Variants in SCUBE1 observed in about 807,000 individuals in gnomAD.
SCUBE1 encodes signal peptide, CUB domain and EGF like domain containing 1.
A neutral mutation model predicts 124.4 loss-of-function variants in SCUBE1; 59 were observed. The observed-to-expected ratio is 0.47, with a 90% CI of 0.38 to 0.59. The LOEUF is 0.59. Among genes scored for constraint, SCUBE1 ranks in the 20% least tolerant of loss-of-function variants. The pLI, the probability that SCUBE1 is intolerant of heterozygous loss-of-function variation, is 0.00. For missense variants in SCUBE1, 1,150 were observed against 1,371.2 expected, an observed-to-expected ratio of 0.84 and a Z score of 2.55; for synonymous variants, 545 against 550.9, an observed-to-expected ratio of 0.99 and a Z score of 0.15.
chr22:43,268,713 C>T lies in SCUBE1; in HGVS notation c.485-5868G>A, dbSNP rs184396982. The stretch of plus-strand genomic sequence containing the variant: ...TCCCAGAGTGTGCTAAATGTGCAGC[C>T]CCAGTCTCTGGGTGAGTGAGGTGCT... On this transcript the variant is annotated intron_variant, in intron 4 of 21. Transcript: ENST00000360835. 1.6e-3 allele frequency among the ~76,000 whole-genome samples: 247 copies of T among 152,298 alleles called. 1 individual carries two copies. The highest frequency in any genetic ancestry group is 1.6e-3 in the Non-Finnish European group (107 of 68,034).
chr22:43,305,308 GTGTT>G (rs1925927426), intron 3 of SCUBE1, among the ~76,000 whole-genome samples: 1 of 152,238 alleles, frequency 6.6e-6, no homozygotes, highest in Admixed American at 6.5e-5. Context: ...ATTTCTCTGA[GTGTT>G]TCTGTATAAT....
intron 3 of SCUBE1, among the ~76,000 whole-genome samples, chr22:43,310,501 G>A (rs1465032374): frequency 1.3e-5 from 2 of 152,194 alleles, no homozygotes; most frequent in African/African-American, 4.8e-5. Context: ...ACCACCACCA[G>A]CTGTGAGCAA....
chr22:43,246,831 G>A (rs1923232280), intron 6 of SCUBE1, among the ~76,000 whole-genome samples: 1 of 152,204 alleles, frequency 6.6e-6, no homozygotes, highest in African/African-American at 2.4e-5. Context: ...CGGCAGTGAT[G>A]TGCTCCCCAC....
At chr22:43,256,084 T>C (rs1391257522) in intron 6 of SCUBE1, among the ~76,000 whole-genome samples, 1 of 152,130 alleles carries the variant, frequency 6.6e-6, no homozygotes, top group Non-Finnish European at 1.5e-5. Context: ...CACAGGGACG[T>C]GAAGGGGTGT....
rs772567884 is a variant in SCUBE1 at position 43,262,797 on chromosome 22, C to T, written c.533G>A (p.Arg178Gln). 11 of 1,614,082 alleles carry T rather than the reference C, an allele frequency of 6.8e-6. 1 individual carries two copies. The highest frequency in any genetic ancestry group is 3.3e-5 in the South Asian group (3 of 91,080). Residue 178 changes from arginine to glutamine, a missense_variant, in exon 5 of 22, where the codon CGG becomes CAG. Transcript: ENST00000360835. Reference sequence around the variant, plus strand: ...GGCCACCCCACCTTTGGGCGTCTCCCGGCAGATGTGGGCACAGCCATGGTC... The same window carrying T: ...GGCCACCCCACCTTTGGGCGTCTCCTGGCAGATGTGGGCACAGCCATGGTC... ...NKDHGCAHIC[R>Q]ETPKGGVACD...
intron 21 of SCUBE1, 109 bp from the exon 22 acceptor site, chr22:43,204,258 G>A: frequency 1.1e-6 from 1 of 882,482 alleles, no homozygotes; most frequent in Middle Eastern, 2.4e-4. Context: ...GTGGGTTTCA[G>A]GACCCCACAG....
Position 43,197,284 on chromosome 22 carries a change from G to C in SCUBE1, c.*6713C>G, listed in dbSNP as rs143187227. On this transcript the variant is annotated 3_prime_UTR_variant, in exon 22 of 22. Transcript: ENST00000360835. ...GAATAAGAGAAAAGAGCAATATTTA[G>C]GTTCATTTCCTGTTTATTATTAAAG... The C allele has an allele frequency of 3.3e-5, 5 of 152,276 alleles. No individual in the cohort carries two copies. In the East Asian group the frequency reaches 9.6e-4, roughly 29 times the overall value. The allele number at this position is 152,276 out of a possible 1,614,324, so 9.4% of individuals were successfully genotyped here.
At chr22:43,281,602 T>C (rs1336372859) in intron 4 of SCUBE1, among the ~76,000 whole-genome samples, 2 of 147,864 alleles carry the variant, frequency 1.4e-5, no homozygotes, top group African/African-American at 5.1e-5. Context: ...GCCACCCTCC[T>C]GTCACCTCCT....
At chr22:43,294,581 C>T (rs1925489259) in intron 3 of SCUBE1, among the ~76,000 whole-genome samples, 1 of 152,240 alleles carries the variant, frequency 6.6e-6, no homozygotes, top group Admixed American at 6.5e-5. Context: ...GGGGAACCCA[C>T]ACCTGGGAGT....
rs1039553540 is a variant in SCUBE1 at position 43,209,720 on chromosome 22, G to A, written c.2581+323C>T. Among the ~76,000 whole-genome samples the A allele has an allele frequency of 5.9e-5, 9 of 152,356 alleles. No individual in the cohort carries two copies. The South Asian group carries it at 1.7e-3, about 28-fold the overall frequency. ...GCGGTGCGGCAGAAAGTGGTGGCAA[G>A]GGGCCCTGCGGCTGGTCCCGCCACT... On this transcript the variant is annotated intron_variant, in intron 19 of 21. Coordinates refer to ENST00000360835, the MANE Select transcript of SCUBE1 (RefSeq NM_173050.5).
chr22:43,292,259 T>G (rs1290543588), intron 3 of SCUBE1, among the ~76,000 whole-genome samples: 1 of 151,980 alleles, frequency 6.6e-6, no homozygotes, highest in East Asian at 1.9e-4. Flanking sequence ...TGCCAAGTGG[T>G]CTTTCCCACT....
intron 8 of SCUBE1, among the ~76,000 whole-genome samples, chr22:43,230,711 G>A (rs575928162): frequency 1.3e-5 from 2 of 152,346 alleles, no homozygotes; most frequent in African/African-American, 4.8e-5. Context: ...GTCCAGGGAC[G>A]AAGAGGCTGA....
chr22:43,302,099 T>C (rs1925795731), intron 3 of SCUBE1, among the ~76,000 whole-genome samples: 1 of 152,182 alleles, frequency 6.6e-6, no homozygotes, highest in South Asian at 2.1e-4. Flanking sequence ...CAGAGAAGGC[T>C]CTCAGAGAAG....
chr22:43,219,620 CCT>C (rs1232851759), intron 14 of SCUBE1, among the ~76,000 whole-genome samples: 14 of 151,836 alleles, frequency 9.2e-5, no homozygotes, highest in African/African-American at 2.7e-4. Flanking sequence ...ATTACAGGTG[CCT>C]GCCACCACAC....
At chr22:43,268,287 T>A (rs957199643) in intron 4 of SCUBE1, among the ~76,000 whole-genome samples, 1 of 152,204 alleles carries the variant, frequency 6.6e-6, no homozygotes, top group Admixed American at 6.5e-5. Context: ...TTGGGAGCCA[T>A]AGGACAGCTC....
In SCUBE1 at chr22:43,208,309, C is replaced by T. The variant is rs151148637; in HGVS notation, c.2582-85G>A. 2.7e-4 allele frequency: 355 copies of T among 1,311,352 alleles called. 1 individual carries two copies. The highest frequency in any genetic ancestry group is 1.8e-3 in the African/African-American group (122 of 68,864). 81.2% of individuals were successfully genotyped at this position (1,311,352 alleles called of 1,614,324 possible). On this transcript the variant is annotated intron_variant, in intron 19 of 21. Transcript: ENST00000360835. ...CACTCGCCTCCCATCCAGTCCACCACCCAGCACCTGCACCGAACGCCTGGT... is the reference window on the plus strand; with the variant it reads ...CACTCGCCTCCCATCCAGTCCACCATCCAGCACCTGCACCGAACGCCTGGT...
Position 43,197,730 on chromosome 22 carries a change from G to T in SCUBE1, c.*6267C>A, listed in dbSNP as rs1411973720. The T allele has an allele frequency of 6.6e-6, 1 of 152,310 alleles. No homozygotes were observed. Among genetic ancestry groups the T allele is most frequent in the African/African-American group, 2.4e-5 (1 of 41,474 alleles). 9.4% of individuals were successfully genotyped at this position (152,310 alleles called of 1,614,324 possible). On this transcript the variant is annotated 3_prime_UTR_variant, in exon 22 of 22. Coordinates refer to ENST00000360835, the MANE Select transcript of SCUBE1 (RefSeq NM_173050.5). ...GTGGGGACACTCGGCAAGGGCACTTGAGCCTCTGGCTGTGTCTGCTCACGT... is the reference window on the plus strand; with the variant it reads ...GTGGGGACACTCGGCAAGGGCACTTTAGCCTCTGGCTGTGTCTGCTCACGT...
intron 3 of SCUBE1, 41 bp downstream of exon 3, chr22:43,319,896 C>A: frequency 6.2e-7 from 1 of 1,605,924 alleles, no homozygotes; most frequent in Non-Finnish European, 8.5e-7. Context: ...AAGCAACAGG[C>A]AGGGTGTGCC....
chr22:43,233,225 G>T (rs1009264284), intron 7 of SCUBE1, among the ~76,000 whole-genome samples: 3 of 152,154 alleles, frequency 2.0e-5, no homozygotes, highest in Middle Eastern at 3.2e-3. Flanking sequence ...TTAGCTGGGC[G>T]TGGTGGCGCA....
Sources: allele counts gnomAD v4.1 joint callset (sites outside exome capture counted in the v4.1 genomes callset), GRCh38; gene constraint gnomAD v4.1.1; transcripts MANE v1.5; gene names NCBI Gene and HGNC (gene_info 2026-07-23, HGNC 2026-07-21).